Variants in SPIDR observed in about 807,000 individuals in gnomAD.
SPIDR encodes DNA repair-scaffolding protein.
SPIDR carries 93 observed loss-of-function variants against 104.6 expected under a neutral mutation model. That is an observed-to-expected ratio of 0.89 (90% CI 0.75 to 1.06). The LOEUF (loss-of-function observed/expected upper bound fraction) is 1.06. Among genes scored for constraint, SPIDR ranks in the 50% least tolerant of loss-of-function variants. The pLI, the probability that SPIDR is intolerant of heterozygous loss-of-function variation, is 0.00. For missense variants in SPIDR, 1,154 were observed against 1,111.2 expected (o/e 1.04, Z -0.55); for synonymous variants, 431 against 416.9 (o/e 1.03, Z -0.41).
chr8:47,642,795 G>C (rs1394491993), intron 10 of SPIDR, among the ~76,000 whole-genome samples: 2 of 152,116 alleles, frequency 1.3e-5, no homozygotes, highest in Non-Finnish European at 2.9e-5. Context: ...TGTAGTCTTA[G>C]CTACTTGAGA....
intron 8 of SPIDR, among the ~76,000 whole-genome samples, chr8:47,552,646 A>G (rs898262189): frequency 1.3e-5 from 2 of 151,540 alleles, no homozygotes; most frequent in Non-Finnish European, 2.9e-5. Context: ...TTTTGAGCCT[A>G]TTTGTGTCTC....
chr8:47,345,618 T>C (rs1246996215), intron 5 of SPIDR, among the ~76,000 whole-genome samples: 1 of 152,244 alleles, frequency 6.6e-6, no homozygotes, highest in Non-Finnish European at 1.5e-5. Context: ...TTGCATTTGT[T>C]TGTGTCCTCT....
intron 16 of SPIDR, among the ~76,000 whole-genome samples, chr8:47,719,169 G>A (rs1044924478): frequency 6.6e-6 from 1 of 152,120 alleles, no homozygotes; most frequent in Non-Finnish European, 1.5e-5. Context: ...CACTTTAGTG[G>A]CCTGAACAGG....
chr8:47,274,457 G>T (rs936871149), intron 1 of SPIDR, among the ~76,000 whole-genome samples: 19 of 152,070 alleles, frequency 1.2e-4, no homozygotes, highest in African/African-American at 4.6e-4. Context: ...CCTAATAAAG[G>T]AATCACGAGA....
At chr8:47,274,340 G>T (rs965788531) in intron 1 of SPIDR, among the ~76,000 whole-genome samples, 19 of 152,028 alleles carry the variant, frequency 1.2e-4, no homozygotes, top group African/African-American at 4.6e-4. Flanking sequence ...ATTTTCCTTT[G>T]CATTGTTCTC....
In SPIDR at chr8:47,405,551, T is replaced by C. The variant is rs188302487; in HGVS notation, c.777-2310T>C. Among the ~76,000 whole-genome samples the C allele has an allele frequency of 3.3e-3, 496 of 152,296 alleles. 1 individual carries two copies. The highest frequency in any genetic ancestry group is 5.5e-3 in the Non-Finnish European group (374 of 68,028). On this transcript the variant is annotated intron_variant, in intron 6 of 19. Transcript: ENST00000297423. The stretch of plus-strand genomic sequence containing the variant: ...CTTTATCCTTCTTTACTTCTCCATA[T>C]TGTTTTTATAGAAATGTTTACCAAT...
chr8:47,284,482 T>C (rs1212093073), intron 3 of SPIDR, among the ~76,000 whole-genome samples: 1 of 152,182 alleles, frequency 6.6e-6, no homozygotes, highest in Non-Finnish European at 1.5e-5. Context: ...TGCTTCAGGC[T>C]CTGAAATTCT....
At chr8:47,469,769 C>A (rs922004603) in intron 8 of SPIDR, among the ~76,000 whole-genome samples, 1 of 152,084 alleles carries the variant, frequency 6.6e-6, no homozygotes, top group Non-Finnish European at 1.5e-5. Context: ...CTAATGAGTA[C>A]TAGGCTTAAT....
chr8:47,676,964 A>G (rs2076525948), intron 11 of SPIDR, among the ~76,000 whole-genome samples: 2 of 152,170 alleles, frequency 1.3e-5, no homozygotes, highest in Non-Finnish European at 2.9e-5. Context: ...AATTTTTTGG[A>G]TTTGAGTGTC....
intron 8 of SPIDR, among the ~76,000 whole-genome samples, chr8:47,487,006 A>G (rs1478509783): frequency 6.6e-6 from 1 of 152,226 alleles, no homozygotes; most frequent in African/African-American, 2.4e-5. Context: ...AACAATATTA[A>G]CCTTAAATGT....
At position 47,373,194 on chromosome 8, in the gene SPIDR, T is replaced by C. The variant is rs2058246501; in HGVS notation, c.526-23182T>C. 2.0e-5 allele frequency among the ~76,000 whole-genome samples: 3 copies of C among 152,332 alleles called. No homozygotes were observed. The South Asian group carries it at 6.2e-4, about 32-fold the overall frequency. On this transcript the variant is annotated intron_variant, in intron 5 of 19. Transcript: ENST00000297423. ...CAGATAGGAGTCTCCTATTTCCTAA[T>C]TGAAAAGCATAAATTTAAAAAAATC...
intron 10 of SPIDR, among the ~76,000 whole-genome samples, chr8:47,661,908 C>T (rs1312032269): frequency 6.6e-6 from 1 of 152,226 alleles, no homozygotes; most frequent in Non-Finnish European, 1.5e-5. Context: ...TCACATTCTC[C>T]ATAGAGCAGT....
chr8:47,492,118 C>G (rs1170619980), intron 8 of SPIDR, among the ~76,000 whole-genome samples: 1 of 152,144 alleles, frequency 6.6e-6, no homozygotes, highest in Non-Finnish European at 1.5e-5. Context: ...CACCCCTTCC[C>G]TGTGCTACAT....
chr8:47,511,073 C>T (rs1227807556), intron 8 of SPIDR: 2 of 1,131,412 alleles, frequency 1.8e-6, no homozygotes, highest in Non-Finnish European at 1.3e-6. Flanking sequence ...AGCAGGTTGG[C>T]TTCCTTCAGG....
intron 5 of SPIDR, among the ~76,000 whole-genome samples, chr8:47,344,909 T>G (rs1428923288): frequency 2.6e-5 from 4 of 152,238 alleles, no homozygotes; most frequent in African/African-American, 7.2e-5. Flanking sequence ...TTTCTCCCAT[T>G]CTATAGGTTG....
intron 7 of SPIDR, among the ~76,000 whole-genome samples, chr8:47,431,929 T>C (rs985575540): frequency 1.3e-5 from 2 of 152,244 alleles, no homozygotes; most frequent in African/African-American, 4.8e-5. Context: ...GATAAATGTG[T>C]GAATTTCTCC....
At chr8:47,303,866 A>G (rs587656722) in intron 5 of SPIDR, among the ~76,000 whole-genome samples, 4 of 152,214 alleles carry the variant, frequency 2.6e-5, no homozygotes, top group African/African-American at 9.6e-5. Context: ...TAGTAGAGAC[A>G]GGGTTTCACC....
intron 7 of SPIDR, among the ~76,000 whole-genome samples, chr8:47,418,665 G>C (rs2064830116): frequency 6.6e-6 from 1 of 152,122 alleles, no homozygotes. Context: ...TGTTGAATAG[G>C]AGTGGTGAGA....
intron 14 of SPIDR, among the ~76,000 whole-genome samples, chr8:47,703,474 G>T (rs1180719196): frequency 6.6e-6 from 1 of 152,206 alleles, no homozygotes; most frequent in Non-Finnish European, 1.5e-5. Flanking sequence ...TAAAGAGCCA[G>T]ATAGTCAATA....
Sources: allele counts gnomAD v4.1 joint callset (sites outside exome capture counted in the v4.1 genomes callset), GRCh38; gene constraint gnomAD v4.1.1; transcripts MANE v1.5; gene names NCBI Gene and HGNC (gene_info 2026-07-23, HGNC 2026-07-21).